URI1: variants seen among roughly 807,000 people sequenced by gnomAD.
URI1 encodes unconventional prefoldin RPB5 interactor 1.
Under a neutral mutation model 60.2 loss-of-function variants are expected in URI1, and 39 were observed. The ratio of observed to expected loss-of-function variants is 0.65; its 90% CI spans 0.50 to 0.85. The LOEUF (loss-of-function observed/expected upper bound fraction) is 0.85. URI1 is among the 40% of genes least tolerant of loss of function. The pLI is 0.00. For synonymous variants in URI1, 251 were observed against 236.8 expected (o/e 1.06, Z -0.55); for missense variants, 691 against 665.9 (o/e 1.04, Z -0.42).
In URI1 at chr19:30,005,698, C is replaced by T. The variant is rs78325360; in HGVS notation, c.507C>T (p.Phe169=). ...VDIREEIKCD[F]EFKAKHRIAH... ...TACGAGAAGAAATTAAATGTGACTTCGAATTTAAAGGTAAGCAGTAAGATT... is the reference window on the plus strand; with the variant it reads ...TACGAGAAGAAATTAAATGTGACTTTGAATTTAAAGGTAAGCAGTAAGATT... Residue 169 remains phenylalanine (F), a synonymous_variant, in exon 6 of 11, where the codon TTC becomes TTT. Transcript: ENST00000392271. 6.2e-5 allele frequency: 100 copies of T among 1,610,916 alleles called. No individual in the cohort carries two copies. In the East Asian group the frequency reaches 1.4e-3, roughly 23 times the overall value.
chr19:29,970,022 G>A lies in URI1; in HGVS notation c.118-1171G>A, dbSNP rs943813173. 4.7e-5 allele frequency among the ~76,000 whole-genome samples: 7 copies of A among 150,324 alleles called. No individual in the cohort carries two copies. The East Asian group carries it at 1.4e-3, about 30-fold the overall frequency. On this transcript the variant is annotated intron_variant, in intron 1 of 10. Transcript: ENST00000392271. The stretch of plus-strand genomic sequence containing the variant: ...TGATTATAGCATGTATTTTGGTACA[G>A]AATTTCTGTCTTAGTATTTAAAATG...
rs12977890 is a variant in URI1, at chr19:29,942,633, A to G, written c.86A>G (p.Asp29Gly). Reference sequence around the variant, plus strand: ...GCCCTGGTTCCGTTGCGCGCCCCGGATGTGGCGCGGCTGCGCGAGGAGCAG... The same window carrying G: ...GCCCTGGTTCCGTTGCGCGCCCCGGGTGTGGCGCGGCTGCGCGAGGAGCAG... ...APALVPLRAP[D>G]VARLREEQEK... is the part of the protein sequence containing the mutation. The change falls in exon 1 of 11, where the codon GAT (aspartate) becomes GGT (glycine). Residue 29 changes from aspartate (D) to glycine (G), a missense_variant. Physicochemically the swap from Asp to Gly is moderately conservative, Grantham distance 94. Coordinates refer to ENST00000392271, the MANE Select transcript of URI1 (RefSeq NM_003796.3). 2 of 1,343,604 alleles carry G rather than the reference A, an allele frequency of 1.5e-6. No homozygotes were observed. The highest frequency in any genetic ancestry group is 1.9e-6 in the Non-Finnish European group (2 of 1,037,666). 83.2% of individuals were successfully genotyped at this position (1,343,604 alleles called of 1,614,324 possible). A position where few individuals can be genotyped will look rare whatever the true frequency, so the allele number is the denominator to read the frequency against.
In URI1 at chr19:29,942,255, C is replaced by T. The variant is rs1402256165; in HGVS notation, c.-293C>T. The T allele has an allele frequency of 1.0e-6, 1 of 984,688 alleles. No individual in the cohort carries two copies. The highest frequency in any genetic ancestry group is 1.2e-6 in the Non-Finnish European group (1 of 829,644). The allele number at this position is 984,688 out of a possible 1,614,324, so 61.0% of individuals were successfully genotyped here. A position where few individuals can be genotyped will look rare whatever the true frequency, so the allele number is the denominator to read the frequency against. On this transcript the variant is annotated 5_prime_UTR_variant, in exon 1 of 11. Transcript: ENST00000392271. ...AGGCGGGGCGTGTGGGGAGGCGCGGCCGCCACGCGACGCCTGGCTGGGCCC... is the reference window on the plus strand; with the variant it reads ...AGGCGGGGCGTGTGGGGAGGCGCGGTCGCCACGCGACGCCTGGCTGGGCCC...
chr19:29,997,498 G>A (rs992644304), intron 4 of URI1, among the ~76,000 whole-genome samples: 2 of 151,856 alleles, frequency 1.3e-5, no homozygotes, highest in African/African-American at 4.8e-5. Flanking sequence ...CCAACTTTTG[G>A]TTGCATTAAT....
At chr19:29,956,266 G>A (rs1047333450) in intron 1 of URI1, 3 of 700,730 alleles carry the variant, frequency 4.3e-6, no homozygotes, top group Admixed American at 3.5e-5. Context: ...ATGAGCCACG[G>A]CGCCTGGCCC....
chr19:30,008,125 A>G (rs990662687), intron 7 of URI1, among the ~76,000 whole-genome samples: 1 of 152,146 alleles, frequency 6.6e-6, no homozygotes, highest in East Asian at 1.9e-4. Context: ...GTAATTTGTA[A>G]TCTGGTCAGA....
At position 29,995,191 on chromosome 19, in the gene URI1, A is replaced by G. The variant is rs377760552; in HGVS notation, c.367+8774A>G. On this transcript the variant is annotated intron_variant, in intron 4 of 10. Coordinates refer to ENST00000392271, the MANE Select transcript of URI1 (RefSeq NM_003796.3). ...ATCCAGTTTTCCCACATTCTTGTCA[A>G]CACTTGTTACTATATTTTTTATATA... is the stretch of plus-strand genomic sequence containing the variant. Among the ~76,000 whole-genome samples the G allele has an allele frequency of 9.9e-5, 15 of 152,254 alleles. No individual in the cohort carries two copies. The East Asian group carries it at 1.3e-3, about 14-fold the overall frequency.
chr19:29,939,268 C>T (rs1385584753), upstream of URI1, among the ~76,000 whole-genome samples: 4 of 150,868 alleles, frequency 2.7e-5, no homozygotes, highest in Non-Finnish European at 4.4e-5. Context: ...TGAGCCACTG[C>T]GCCTTGCCAA....
intron 6 of URI1, among the ~76,000 whole-genome samples, chr19:30,007,117 A>C (rs1308919166): frequency 6.6e-6 from 1 of 152,050 alleles, no homozygotes; most frequent in Admixed American, 6.6e-5. Context: ...ACCAGGGTGC[A>C]TTGTGGCCAT....
intron 1 of URI1, chr19:29,956,524 T>C (rs921265384): frequency 7.7e-6 from 12 of 1,564,100 alleles, no homozygotes; most frequent in Non-Finnish European, 1.0e-5. Flanking sequence ...AGCTGCTGAA[T>C]TTGAAACAAG....
At chr19:29,929,620 A>G (rs192634857) in intron 1 of URI1, among the ~76,000 whole-genome samples, 451 of 152,190 alleles carry the variant, frequency 3.0e-3, no homozygotes, top group Non-Finnish European at 5.3e-3. Flanking sequence ...AATAAAATAA[A>G]AAAATAAAAA....
At chr19:29,939,610 A>G (rs1030390821), upstream of URI1, among the ~76,000 whole-genome samples, 3 of 152,218 alleles carry the variant, frequency 2.0e-5, no homozygotes, top group Non-Finnish European at 4.4e-5. Context: ...AGTGCTACAA[A>G]GAAAATTTAA....
chr19:29,954,953 T>A (rs1486866253), intron 1 of URI1, among the ~76,000 whole-genome samples: 3 of 152,150 alleles, frequency 2.0e-5, no homozygotes, highest in Non-Finnish European at 2.9e-5. Flanking sequence ...GTTCATCTCA[T>A]TAAATGATAA....
chr19:29,986,832 C>T (rs181396095), intron 4 of URI1, among the ~76,000 whole-genome samples: 2 of 152,148 alleles, frequency 1.3e-5, no homozygotes, highest in East Asian at 1.9e-4. Flanking sequence ...TACCTGTTTA[C>T]ATAAGTAGAC....
At chr19:29,926,721 CTA>C (rs2054871564) in intron 1 of URI1, among the ~76,000 whole-genome samples, 1 of 152,236 alleles carries the variant, frequency 6.6e-6, no homozygotes, top group Non-Finnish European at 1.5e-5. Flanking sequence ...GTGAAACGAC[CTA>C]TACATTGCAA....
chr19:30,006,333 G>C (rs1048428860), intron 6 of URI1, among the ~76,000 whole-genome samples: 1 of 152,106 alleles, frequency 6.6e-6, no homozygotes, highest in Non-Finnish European at 1.5e-5. Context: ...TGCTACTGTA[G>C]AAGACTGTAC....
intron 4 of URI1, among the ~76,000 whole-genome samples, chr19:30,001,387 T>G (rs1267767700): frequency 6.6e-6 from 1 of 151,928 alleles, no homozygotes; most frequent in Non-Finnish European, 1.5e-5. Context: ...CTTCTTCATC[T>G]AGTGTTCTGA....
At chr19:29,987,784 T>TA (rs1327387348) in intron 4 of URI1, among the ~76,000 whole-genome samples, 1 of 152,238 alleles carries the variant, frequency 6.6e-6, no homozygotes, top group Non-Finnish European at 1.5e-5. Context: ...TTCTAGTAGT[T>TA]AAATATGGTT....
rs565573145 is a variant in URI1 at position 29,942,717 on chromosome 19, C to T, written c.117+53C>T. On this transcript the variant is annotated intron_variant, in intron 1 of 10. Coordinates refer to ENST00000392271, the MANE Select transcript of URI1 (RefSeq NM_003796.3). ...CCTCCGCCCGCCGGGCTGCCCCTGC[C>T]TGTGCTCTGGGCCGCCGCCCCGCGT... The T allele has an allele frequency of 5.2e-5, 70 of 1,343,576 alleles. No individual in the cohort carries two copies. The African/African-American group carries it at 8.5e-4, about 16-fold the overall frequency. 83.2% of individuals were successfully genotyped at this position (1,343,576 alleles called of 1,614,324 possible). A position where few individuals can be genotyped will look rare whatever the true frequency, so the allele number is the denominator to read the frequency against.
Sources: gnomAD v4.1 joint callset for allele counts (sites outside exome capture counted in the v4.1 genomes callset) on GRCh38, gnomAD v4.1.1 for gene constraint, MANE v1.5 for transcripts, NCBI Gene and HGNC (gene_info 2026-07-23, HGNC 2026-07-21) for gene names.